Variants in KPNA1 observed in about 807,000 individuals in gnomAD.
The protein encoded by KPNA1 is importin subunit alpha-5.
KPNA1 carries 10 observed loss-of-function variants against 70.5 expected under a neutral mutation model. That is an observed-to-expected ratio of 0.14 (90% confidence interval 0.09 to 0.24). The LOEUF is 0.24. Ranked by LOEUF, KPNA1 falls within the 10% of genes least tolerant of loss-of-function variation. The pLI, the probability that KPNA1 is intolerant of heterozygous loss-of-function variation, is 1.00. For synonymous variants in KPNA1, 192 were observed against 221.9 expected, an observed-to-expected ratio of 0.87 and a Z score of 1.20; for missense variants, 397 against 637.9, an observed-to-expected ratio of 0.62 and a Z score of 4.07.
intron 5 of KPNA1, 140 bp downstream of exon 5, chr3:122,461,084 T>G: frequency 2.0e-6 from 1 of 502,780 alleles, no homozygotes; most frequent in Non-Finnish European, 3.6e-6. Flanking sequence ...TGAAAGCAGC[T>G]TGCAATGTAG....
intron 1 of KPNA1, among the ~76,000 whole-genome samples, chr3:122,505,274 C>CAAAAAAAAAAAAAAAAAAAAAAAAAA (rs376502610): frequency 1.0e-5 from 1 of 99,546 alleles, no homozygotes; most frequent in Non-Finnish European, 1.9e-5. Context: ...CTGCATGCCT[C>CAAAAAAAAAAAAAAAAAAAAAAAAAA]AAAAAAAAAA....
rs2076207459 is a variant in KPNA1 at position 122,452,008 on chromosome 3, G to C, written c.621C>G (p.Val207=). 1 of 1,609,538 alleles carries C rather than the reference G, an allele frequency of 6.2e-7. No homozygotes were observed. Among genetic ancestry groups the C allele is most frequent in the Non-Finnish European group, 8.5e-7 (1 of 1,177,676 alleles). ...GAGGGGGAAGGATATTGCAGTCTAAGACATAGTCCCTGCACATGGTACTAT... is the reference window on the plus strand; with the variant it reads ...GAGGGGGAAGGATATTGCAGTCTAACACATAGTCCCTGCACATGGTACTAT... The part of the protein sequence containing the change: ...AGDSTMCRDY[V]LDCNILPPLL... Residue 207 remains valine, a synonymous_variant, in exon 7 of 14, where the codon GTC becomes GTG. Coordinates refer to ENST00000344337, the MANE Select transcript of KPNA1 (RefSeq NM_002264.4).
At position 122,467,440 on chromosome 3, in the gene KPNA1, A is replaced by G; in HGVS notation, c.130-11T>C. On this transcript the variant is annotated splice_polypyrimidine_tract_variant and intron_variant, in intron 2 of 13. Transcript: ENST00000344337. Reference sequence around the variant, plus strand: ...TCTCCGCTTGAATAACTGAAAGATAAAAGATTGGTAGCAATGTAAATGTAA... The same window carrying G: ...TCTCCGCTTGAATAACTGAAAGATAGAAGATTGGTAGCAATGTAAATGTAA... 1 of 1,528,000 alleles carries G rather than the reference A, an allele frequency of 6.5e-7. No individual in the cohort carries two copies. Among genetic ancestry groups the G allele is most frequent in the Non-Finnish European group, 9.0e-7 (1 of 1,105,030 alleles). The allele number at this position is 1,528,000 out of a possible 1,614,324, so 94.7% of individuals were successfully genotyped here.
chr3:122,501,201 G>A (rs1247726586), intron 1 of KPNA1, among the ~76,000 whole-genome samples: 2 of 151,572 alleles, frequency 1.3e-5, no homozygotes, highest in African/African-American at 4.8e-5. Context: ...GCTAATTTTT[G>A]TATTTTTAGT....
intron 2 of KPNA1, among the ~76,000 whole-genome samples, chr3:122,489,299 GTTTT>G (rs200563789): frequency 4.2e-5 from 6 of 143,502 alleles, no homozygotes; most frequent in Admixed American, 1.4e-4. Context: ...TTTTTTGTTT[GTTTT>G]TTTTTTAAGA....
At chr3:122,433,814 G>GA (rs747191256) in intron 11 of KPNA1, 26 bp from the exon 12 acceptor site, 7 of 1,536,034 alleles carry the variant, frequency 4.6e-6, no homozygotes, top group East Asian at 2.3e-5. Context: ...AACTTAAATG[G>GA]AAAAAACTGT....
chr3:122,453,148 T>G (rs2076229995), intron 6 of KPNA1, among the ~76,000 whole-genome samples: 1 of 152,134 alleles, frequency 6.6e-6, no homozygotes, highest in South Asian at 2.1e-4. Flanking sequence ...TTTCGCCATG[T>G]TGCCCTGGCT....
At chr3:122,509,814 T>C (rs72960431) in intron 1 of KPNA1, among the ~76,000 whole-genome samples, 23,065 of 152,150 alleles carry the variant, frequency 0.15, 1,840 homozygotes, top group East Asian at 0.32. Context: ...AAAATTCTTT[T>C]TGCCTAACAT....
intron 2 of KPNA1, among the ~76,000 whole-genome samples, chr3:122,489,296 TTTG>T (rs1488341829): frequency 6.6e-6 from 1 of 150,452 alleles, no homozygotes; most frequent in Non-Finnish European, 1.5e-5. Context: ...TTTTTTTTTG[TTTG>T]TTTTTTTTTT....
chr3:122,439,157 A>G (rs906883797), intron 10 of KPNA1, among the ~76,000 whole-genome samples: 2 of 152,234 alleles, frequency 1.3e-5, no homozygotes, highest in Non-Finnish European at 2.9e-5. Flanking sequence ...ACAAGCTATT[A>G]CAAAGTACTG....
chr3:122,460,273 G>A (rs929071339), intron 5 of KPNA1: 1 of 983,128 alleles, frequency 1.0e-6, no homozygotes, highest in Non-Finnish European at 1.2e-6. Context: ...TATCCAGGGG[G>A]AAAAAAAATA....
chr3:122,465,684 G>A (rs1257188108), intron 3 of KPNA1, among the ~76,000 whole-genome samples: 3 of 152,182 alleles, frequency 2.0e-5, no homozygotes, highest in Non-Finnish European at 2.9e-5. Flanking sequence ...GGTGGATCAC[G>A]AGGTCAGGAG....
At chr3:122,460,416 C>T in intron 5 of KPNA1, 3 of 579,450 alleles carry the variant, frequency 5.2e-6, no homozygotes, top group Non-Finnish European at 6.5e-6. Context: ...GCAGGTGGAT[C>T]ACTTGAGGTC....
intron 2 of KPNA1, among the ~76,000 whole-genome samples, chr3:122,488,120 C>T (rs1301842964): frequency 6.6e-6 from 1 of 152,134 alleles, no homozygotes; most frequent in Non-Finnish European, 1.5e-5. Flanking sequence ...AAGAAATGAT[C>T]CCCGTAACTC....
rs1363069245 is a variant in KPNA1, at chr3:122,426,060, C to T, written c.*925G>A. 1 of 152,214 alleles carries T rather than the reference C, an allele frequency of 6.6e-6. No homozygotes were observed. Among genetic ancestry groups the T allele is most frequent in the East Asian group, 1.9e-4 (1 of 5,186 alleles). 9.4% of individuals were successfully genotyped at this position (152,214 alleles called of 1,614,324 possible). A position where few individuals can be genotyped will look rare whatever the true frequency, so the allele number is the denominator to read the frequency against. ...ATTTATTTTAATGCAGAAACACAGC[C>T]CCTAGTTACACTGATTGCATTTGGG... is the stretch of plus-strand genomic sequence containing the variant. On this transcript the variant is annotated 3_prime_UTR_variant, in exon 14 of 14. Transcript: ENST00000344337.
intron 2 of KPNA1, among the ~76,000 whole-genome samples, chr3:122,484,580 T>C (rs2076607569): frequency 6.7e-6 from 1 of 149,994 alleles, no homozygotes; most frequent in Admixed American, 6.6e-5. Context: ...GAAGCAGAAG[T>C]TGCAGTGAGC....
intron 5 of KPNA1, chr3:122,459,944 G>A: frequency 2.0e-6 from 2 of 985,376 alleles, no homozygotes; most frequent in Non-Finnish European, 2.4e-6. Context: ...GGGGACAGGA[G>A]CTATCACTTA....
chr3:122,489,055 TGC>T lies in KPNA1; in HGVS notation c.129+7380_129+7381del, dbSNP rs201104568. ...TAACTCGCTTGTGGGTTTTTTTGCG[TGC>T]GTGTGTGTGTGTGTGTGTGTGTGTG... On this transcript the variant is annotated intron_variant, in intron 2 of 13. Transcript: ENST00000344337. Among the ~76,000 whole-genome samples the T allele has an allele frequency of 4.6e-3, 617 of 133,074 alleles. 4 individuals carry two copies. Among genetic ancestry groups the T allele is most frequent in the African/African-American group, 0.011 (358 of 32,278 alleles). The allele number at this position is 133,074 out of a possible 152,430, so 87.3% of individuals were successfully genotyped here. A position where few individuals can be genotyped will look rare whatever the true frequency, so the allele number is the denominator to read the frequency against.
chr3:122,503,638 T>TCCCACTGTCTGG (rs1190469193), intron 1 of KPNA1, among the ~76,000 whole-genome samples: 1 of 152,186 alleles, frequency 6.6e-6, no homozygotes, highest in Non-Finnish European at 1.5e-5. Flanking sequence ...AAAGCATACT[T>TCCCACTGTCTGG]CCCACTGTCT....
Sources: gnomAD v4.1 joint callset for allele counts (sites outside exome capture counted in the v4.1 genomes callset) on GRCh38, gnomAD v4.1.1 for gene constraint, MANE v1.5 for transcripts, NCBI Gene and HGNC (gene_info 2026-07-23, HGNC 2026-07-21) for gene names.